MAP3K14: variants seen among roughly 807,000 people sequenced by gnomAD.
MAP3K14 encodes mitogen-activated protein kinase kinase kinase 14, also known as NF-kappa-beta-inducing kinase.
MAP3K14 carries 16 observed loss-of-function variants against 99.2 expected under a neutral mutation model. The ratio of observed to expected loss-of-function variants is 0.16; its 90% CI spans 0.11 to 0.24. The LOEUF is 0.24. Ranked by LOEUF, MAP3K14 falls within the 10% of genes least tolerant of loss-of-function variation. MAP3K14 has a pLI of 1.00. For missense variants in MAP3K14, 784 were observed against 1,208.7 expected (o/e 0.65, Z 5.21); for synonymous variants, 462 against 492.4 (o/e 0.94, Z 0.82).
At chr17:45,271,751 A>G (rs181476320) in intron 9 of MAP3K14, among the ~76,000 whole-genome samples, 38 of 152,352 alleles carry the variant, frequency 2.5e-4, no homozygotes, top group East Asian at 2.3e-3. Context: ...CAGAGCATCC[A>G]TGATGTGGAC....
chr17:45,294,478 A>T (rs1020052968), intron 1 of MAP3K14, among the ~76,000 whole-genome samples: 2 of 152,204 alleles, frequency 1.3e-5, no homozygotes, highest in African/African-American at 4.8e-5. Flanking sequence ...TCCAGGGAAG[A>T]CTTGGTCCAT....
intron 5 of MAP3K14, 52 bp from the exon 6 acceptor site, chr17:45,285,001 G>A: frequency 2.0e-6 from 3 of 1,520,968 alleles, no homozygotes; most frequent in Non-Finnish European, 2.7e-6. Context: ...GCAGCAGAGG[G>A]CTACAGGGCT....
In MAP3K14 at chr17:45,290,785, G is replaced by T. The variant is rs750151292; in HGVS notation, c.-20-20C>A. On this transcript the variant is annotated intron_variant, in intron 1 of 15. Transcript: ENST00000344686. ...CTCATCCTGAGAGAGACCAAACACA[G>T]AGCAGGTCACTTAGAATCCCAGACC... 2.5e-6 allele frequency: 4 copies of T among 1,597,746 alleles called. No individual in the cohort carries two copies. The highest frequency in any genetic ancestry group is 1.7e-4 in the Middle Eastern group (1 of 6,024).
chr17:45,302,497 C>A (rs779929216), intron 1 of MAP3K14, among the ~76,000 whole-genome samples: 1 of 151,688 alleles, frequency 6.6e-6, no homozygotes, highest in Non-Finnish European at 1.5e-5. Flanking sequence ...TAGTAGAGAC[C>A]GGGTTTCACC....
Position 45,284,797 on chromosome 17 carries a change from T to C in MAP3K14, c.1290+15A>G. ...CTGGCTTCCCTCTTCACTCAGCCCCTGAGCCCTGGCGTACCTTTTTGACAG... is the reference window on the plus strand; with the variant it reads ...CTGGCTTCCCTCTTCACTCAGCCCCCGAGCCCTGGCGTACCTTTTTGACAG... On this transcript the variant is annotated intron_variant, in intron 6 of 15. Transcript: ENST00000344686. 1.3e-6 allele frequency: 2 copies of C among 1,585,362 alleles called. No individual in the cohort carries two copies. Among genetic ancestry groups the C allele is most frequent in the East Asian group, 2.3e-5 (1 of 43,596 alleles).
intron 13 of MAP3K14, 56 bp from the exon 14 acceptor site, chr17:45,266,737 C>A: frequency 6.4e-7 from 1 of 1,550,878 alleles, no homozygotes; most frequent in Non-Finnish European, 8.8e-7. Context: ...GATCCATCTC[C>A]GGCTTGGGTC....
chr17:45,290,309 T>C (rs1403903073), intron 2 of MAP3K14, among the ~76,000 whole-genome samples, 181 bp downstream of exon 2: 2 of 152,144 alleles, frequency 1.3e-5, no homozygotes, highest in Non-Finnish European at 2.9e-5. Flanking sequence ...ACATCCACCA[T>C]CTGTGCACTT....
chr17:45,280,104 C>T (rs775160436), intron 6 of MAP3K14, among the ~76,000 whole-genome samples: 8 of 152,350 alleles, frequency 5.3e-5, no homozygotes, highest in Admixed American at 3.3e-4. Flanking sequence ...GCTGGGTTGA[C>T]TTGGCCAGGG....
Position 45,267,110 on chromosome 17 carries a change from C to T in MAP3K14, c.2415G>A (p.Leu805=). 1.9e-6 allele frequency: 3 copies of T among 1,590,722 alleles called. No homozygotes were observed. The highest frequency in any genetic ancestry group is 2.6e-6 in the Non-Finnish European group (3 of 1,168,488). The change falls in exon 13 of 16, where the codon CTG becomes CTA. Residue 805 remains leucine (L), a synonymous_variant. Transcript: ENST00000344686. The surrounding 1 kb of genome is among the most constrained non-coding windows in gnomAD (Gnocchi z 5.1). The part of the protein sequence containing the change: ...LSCLSIDSLS[L]SDDSEKNPSK... ...GACTCACCTTCTCACTGTCATCCGA[C>T]AGGGAGAGGCTGTCGATGCTGAGGC...
At chr17:45,284,679 T>C in intron 6 of MAP3K14, 133 bp downstream of exon 6, 1 of 1,201,002 alleles carries the variant, frequency 8.3e-7, no homozygotes, top group South Asian at 1.7e-5. Context: ...CTCAGGTGGC[T>C]AGTGATAGCC....
intron 1 of MAP3K14, among the ~76,000 whole-genome samples, chr17:45,304,922 T>C (rs999221610): frequency 1.3e-5 from 2 of 152,094 alleles, no homozygotes; most frequent in Non-Finnish European, 2.9e-5. Context: ...GATAGAATTT[T>C]ACACGGTGAC....
rs376532773 is a variant in MAP3K14 at position 45,274,909 on chromosome 17, G to A, written c.1291-316C>T. ...TCCCAGCACTTTGGGAGGCCGAGGC[G>A]GGTGGATCACGAGGTCAGGAGATCG... On this transcript the variant is annotated intron_variant, in intron 6 of 15. Coordinates refer to ENST00000344686, the MANE Select transcript of MAP3K14 (RefSeq NM_003954.5). 5.3e-5 allele frequency among the ~76,000 whole-genome samples: 8 copies of A among 152,124 alleles called. No individual in the cohort carries two copies. In the East Asian group the frequency reaches 7.7e-4, roughly 15 times the overall value.
chr17:45,301,390 G>A (rs1358637268), intron 1 of MAP3K14, among the ~76,000 whole-genome samples: 2 of 152,108 alleles, frequency 1.3e-5, no homozygotes, highest in African/African-American at 4.8e-5. Flanking sequence ...TTGAACCTGG[G>A]AGGCGGAGGT....
chr17:45,291,443 T>C (rs1242359433), intron 1 of MAP3K14, among the ~76,000 whole-genome samples: 2 of 152,208 alleles, frequency 1.3e-5, no homozygotes, highest in Non-Finnish European at 2.9e-5. Flanking sequence ...CCAAACTCAT[T>C]GGCTGAAAAC....
At position 45,270,268 on chromosome 17, in the gene MAP3K14, A is replaced by G. The variant is rs1035184547; in HGVS notation, c.1972+145T>C. ...CGTGGCACTGTCGCAATCTCCCAAC[A>G]ACCCTGAGGCTGCTGCACCCCCATA... On this transcript the variant is annotated intron_variant, in intron 11 of 15. Coordinates refer to ENST00000344686, the MANE Select transcript of MAP3K14 (RefSeq NM_003954.5). The G allele has an allele frequency of 5.7e-6, 6 of 1,055,794 alleles. No homozygotes were observed. The Middle Eastern group carries it at 9.5e-4, about 167-fold the overall frequency. 65.4% of individuals were successfully genotyped at this position (1,055,794 alleles called of 1,614,324 possible).
chr17:45,285,130 A>G (rs2044253651), intron 5 of MAP3K14, among the ~76,000 whole-genome samples, 181 bp from the exon 6 acceptor site: 1 of 152,216 alleles, frequency 6.6e-6, no homozygotes, highest in African/African-American at 2.4e-5. Context: ...GAGAGGGGGC[A>G]GAGGAATGAA....
chr17:45,283,545 C>T (rs2044239985), intron 6 of MAP3K14, among the ~76,000 whole-genome samples: 1 of 152,206 alleles, frequency 6.6e-6, no homozygotes, highest in Non-Finnish European at 1.5e-5. Context: ...TCTCCTCTCC[C>T]CTTAAGGCCA....
chr17:45,311,897 C>T (rs1327151432), intron 1 of MAP3K14, among the ~76,000 whole-genome samples: 2 of 152,196 alleles, frequency 1.3e-5, no homozygotes, highest in Non-Finnish European at 2.9e-5. Context: ...GGCCATTTTC[C>T]ACCCTCAGGG....
At chr17:45,291,428 A>G (rs2044310213) in intron 1 of MAP3K14, among the ~76,000 whole-genome samples, 1 of 152,158 alleles carries the variant, frequency 6.6e-6, no homozygotes, top group East Asian at 1.9e-4. Flanking sequence ...TTCCTCCTCT[A>G]ATGTCCAAAC....
Sources: gnomAD v4.1 joint callset for allele counts (sites outside exome capture counted in the v4.1 genomes callset) on GRCh38, gnomAD v4.1.1 for gene constraint, Gnocchi (gnomAD v3.1) non-coding constraint, MANE v1.5 for transcripts, NCBI Gene and HGNC (gene_info 2026-07-23, HGNC 2026-07-21) for gene names.